Variants in CTNNA2 observed in about 807,000 individuals in gnomAD.
CTNNA2 encodes catenin alpha-2.
CTNNA2 carries 42 observed loss-of-function variants against 101.0 expected under a neutral mutation model. The ratio of observed to expected loss-of-function variants is 0.42; its 90% CI spans 0.32 to 0.54. The LOEUF (loss-of-function observed/expected upper bound fraction) is 0.54, where lower values mean the gene tolerates loss of function less well. Among genes scored for constraint, CTNNA2 ranks in the 20% least tolerant of loss-of-function variants. CTNNA2 has a pLI of 0.14. For synonymous variants in CTNNA2, 450 were observed against 456.4 expected (o/e 0.99, Z 0.18); for missense variants, 871 against 1,223.1 (o/e 0.71, Z 4.29).
chr2:79,751,789 C>T (rs576229647), intron 3 of CTNNA2, among the ~76,000 whole-genome samples: 2 of 151,866 alleles, frequency 1.3e-5, no homozygotes, highest in Middle Eastern at 6.8e-3. Flanking sequence ...TTCATGAAAA[C>T]CTGACTAAAT....
chr2:79,897,981 C>G (rs1287689069), intron 6 of CTNNA2, among the ~76,000 whole-genome samples: 1 of 152,104 alleles, frequency 6.6e-6, no homozygotes, highest in Non-Finnish European at 1.5e-5. Context: ...GCCTTATGTC[C>G]CAATCAGCTA....
chr2:79,506,705 A>G (rs1671420661), intron 5 of CTNNA2, among the ~76,000 whole-genome samples: 1 of 152,226 alleles, frequency 6.6e-6, no homozygotes, highest in African/African-American at 2.4e-5. Flanking sequence ...ACATCATCAA[A>G]ACATATTTGG....
chr2:80,451,629 T>A (rs1257102295), intron 9 of CTNNA2, among the ~76,000 whole-genome samples: 1 of 152,318 alleles, frequency 6.6e-6, no homozygotes, highest in East Asian at 1.9e-4. Context: ...CATCAGGACT[T>A]GATATGTAAT....
intron 3 of CTNNA2, among the ~76,000 whole-genome samples, chr2:79,813,280 A>G (rs2105346920): frequency 6.6e-6 from 1 of 152,328 alleles, no homozygotes; most frequent in South Asian, 2.1e-4. Flanking sequence ...GTGCAAAAAT[A>G]GACATCAGAA....
At chr2:79,880,312 C>G (rs1683328692) in intron 6 of CTNNA2, among the ~76,000 whole-genome samples, 1 of 152,086 alleles carries the variant, frequency 6.6e-6, no homozygotes, top group South Asian at 2.1e-4. Context: ...GTTTCAGTAT[C>G]AAGATGATGC....
At chr2:79,306,934 A>T (rs1423421472) in intron 2 of CTNNA2, among the ~76,000 whole-genome samples, 1 of 152,194 alleles carries the variant, frequency 6.6e-6, no homozygotes, top group Admixed American at 6.5e-5. Context: ...AATCCCATTC[A>T]TAGTTTCCTC....
At chr2:79,458,561 T>A (rs1248762738) in intron 4 of CTNNA2, among the ~76,000 whole-genome samples, 1 of 152,150 alleles carries the variant, frequency 6.6e-6, no homozygotes, top group Admixed American at 6.6e-5. Context: ...AATGATGTGG[T>A]TTTCTAGTTC....
At chr2:79,219,155 AT>A (rs1465233908) in intron 2 of CTNNA2, among the ~76,000 whole-genome samples, 1 of 152,182 alleles carries the variant, frequency 6.6e-6, no homozygotes, top group African/African-American at 2.4e-5. Flanking sequence ...CTAAGAAAAC[AT>A]TATTCTTAAT....
intron 7 of CTNNA2, among the ~76,000 whole-genome samples, chr2:80,194,745 T>C (rs1706728513): frequency 6.7e-6 from 1 of 149,660 alleles, no homozygotes. Flanking sequence ...ATATTAATTA[T>C]ATAAATTAAT....
chr2:80,021,898 T>G, intron 7 of CTNNA2, among the ~76,000 whole-genome samples: 1 of 129,410 alleles, frequency 7.7e-6, no homozygotes, highest in South Asian at 2.6e-4. Flanking sequence ...CCACAAAAAT[T>G]ATTTACTTTA....
chr2:79,700,835 C>T (rs771235656), intron 2 of CTNNA2, among the ~76,000 whole-genome samples: 1 of 152,054 alleles, frequency 6.6e-6, no homozygotes, highest in Non-Finnish European at 1.5e-5. Context: ...TCAGCCACTT[C>T]GAGTATTTCA....
intron 6 of CTNNA2, among the ~76,000 whole-genome samples, chr2:79,903,627 T>A (rs1685220193): frequency 1.3e-5 from 2 of 152,066 alleles, no homozygotes; most frequent in Admixed American, 1.3e-4. Context: ...CTGTGAAGGA[T>A]AAAATAGGAG....
intron 5 of CTNNA2, 92 bp from the exon 6 acceptor site, chr2:79,873,984 G>A (rs1682801212): frequency 6.6e-7 from 1 of 1,522,838 alleles, no homozygotes; most frequent in Non-Finnish European, 8.8e-7. Context: ...GAAGTTCAGT[G>A]TGTTACTAAG....
intron 7 of CTNNA2, among the ~76,000 whole-genome samples, chr2:79,962,429 A>T (rs1689707779): frequency 6.6e-6 from 1 of 152,248 alleles, no homozygotes; most frequent in African/African-American, 2.4e-5. Context: ...AGGTTTTAAC[A>T]TATGAATTTT....
At chr2:80,609,924 G>A (rs994990346) in intron 17 of CTNNA2, among the ~76,000 whole-genome samples, 2 of 151,632 alleles carry the variant, frequency 1.3e-5, no homozygotes, top group African/African-American at 4.8e-5. Context: ...TCATTTAGAT[G>A]TAGTCCAAAC....
chr2:80,502,122 G>A (rs531681750), intron 9 of CTNNA2, among the ~76,000 whole-genome samples: 1 of 152,230 alleles, frequency 6.6e-6, no homozygotes, highest in Admixed American at 6.5e-5. Flanking sequence ...AGAGTAAATA[G>A]CACCATCCCT....
chr2:80,003,746 T>A (rs1199894022), intron 7 of CTNNA2, among the ~76,000 whole-genome samples: 1 of 152,158 alleles, frequency 6.6e-6, no homozygotes, highest in Non-Finnish European at 1.5e-5. Context: ...GGTCATCAAA[T>A]CCTGGTCACT....
rs1676476499 is a variant in CTNNA2 at position 80,302,800 on chromosome 2, C to A, written c.1057-90411C>A. 1 of 1,613,758 alleles carries A rather than the reference C, an allele frequency of 6.2e-7. No individual in the cohort carries two copies. The highest frequency in any genetic ancestry group is 1.3e-5 in the African/African-American group (1 of 75,072). On this transcript the variant is annotated intron_variant, in intron 7 of 18. Transcript: ENST00000402739. The surrounding 1 kb of genome is among the most constrained non-coding windows in gnomAD (Gnocchi z 6.4). ...GTGCGTACTCCGGGCTGGCGCACTGCAAGTTGCCATCGTAGCGCCCCTGGA... is the reference window on the plus strand; with the variant it reads ...GTGCGTACTCCGGGCTGGCGCACTGAAAGTTGCCATCGTAGCGCCCCTGGA...
At chr2:79,406,897 G>A (rs1001742019) in intron 4 of CTNNA2, among the ~76,000 whole-genome samples, 25 of 151,800 alleles carry the variant, frequency 1.6e-4, no homozygotes, top group African/African-American at 5.6e-4. Flanking sequence ...ATTCTATATC[G>A]ATATCATGTT....
Sources: allele counts gnomAD v4.1 joint callset (sites outside exome capture counted in the v4.1 genomes callset), GRCh38; gene constraint gnomAD v4.1.1; non-coding constraint Gnocchi (gnomAD v3.1); transcripts MANE v1.5; gene names NCBI Gene and HGNC (gene_info 2026-07-23, HGNC 2026-07-21).